The following SEC23A variants were observed in gnomAD, a reference collection of about 807,000 sequenced individuals.
The protein encoded by SEC23A is SEC23 homolog A, COPII component, also known as protein transport protein Sec23A.
SEC23A carries 56 observed loss-of-function variants against 103.7 expected under a neutral mutation model. The observed-to-expected ratio is 0.54, with a 90% CI of 0.44 to 0.67. SEC23A has a LOEUF of 0.67. Among genes scored for constraint, SEC23A ranks in the 30% least tolerant of loss-of-function variants. The pLI, the probability that SEC23A is intolerant of heterozygous loss-of-function variation, is 0.00. For missense variants in SEC23A, 784 were observed against 936.4 expected (o/e 0.84, Z 2.12); for synonymous variants, 281 against 293.0 (o/e 0.96, Z 0.42).
At chr14:39,041,409 C>CAAAAAAAAAAAAAAAAAAAAAAAAAAAA (rs56911438) in intron 17 of SEC23A, 3 of 14,636 alleles carry the variant, frequency 2.0e-4, no homozygotes, top group East Asian at 3.2e-3. Context: ...AAAGAAAAAG[C>CAAAAAAAAAAAAAAAAAAAAAAAAAAAA]AAAAAAAAAA....
intron 1 of SEC23A, among the ~76,000 whole-genome samples, chr14:39,097,837 C>T (rs1483473079): frequency 2.0e-5 from 3 of 152,130 alleles, no homozygotes; most frequent in Admixed American, 6.5e-5. Context: ...GTAATCCCAG[C>T]ACTTTGGGAG....
intron 1 of SEC23A, among the ~76,000 whole-genome samples, chr14:39,096,604 T>C (rs1887902188): frequency 6.6e-6 from 1 of 151,448 alleles, no homozygotes; most frequent in South Asian, 2.1e-4. Context: ...CATAACAAAA[T>C]AATTAATGGC....
chr14:39,055,129 T>C lies in SEC23A; in HGVS notation c.1659+14A>G. On this transcript the variant is annotated intron_variant, in intron 14 of 19. Transcript: ENST00000307712. ...AGCATACAGATTTAGAAAAGCACAG[T>C]GTTTATTTCTTACCAGTCGAATGAG... is the stretch of plus-strand genomic sequence containing the variant. The C allele has an allele frequency of 6.2e-7, 1 of 1,614,004 alleles. No individual in the cohort carries two copies. The highest frequency in any genetic ancestry group is 1.1e-5 in the South Asian group (1 of 91,084).
chr14:39,094,229 T>TATATATATGCATATATACACATATAC (rs1887762901), intron 2 of SEC23A, among the ~76,000 whole-genome samples: 6 of 115,440 alleles, frequency 5.2e-5, no homozygotes, highest in Non-Finnish European at 1.2e-4. Flanking sequence ...CACATACATA[T>TATATATATGCATATATACACATATAC]ATATATATGC....
intron 5 of SEC23A, 68 bp from the exon 6 acceptor site, chr14:39,087,076 T>C (rs1349358960): frequency 2.1e-6 from 2 of 940,324 alleles, no homozygotes; most frequent in Non-Finnish European, 3.5e-6. Context: ...CTATTTATCA[T>C]GTATAAAATG....
intron 9 of SEC23A, among the ~76,000 whole-genome samples, chr14:39,072,727 T>C (rs1232123542): frequency 6.6e-6 from 1 of 152,094 alleles, no homozygotes; most frequent in African/African-American, 2.4e-5. Context: ...GGTGAGAGGA[T>C]TGCTTGAGCC....
chr14:39,038,163 T>C (rs1397054999), intron 19 of SEC23A, among the ~76,000 whole-genome samples: 1 of 152,230 alleles, frequency 6.6e-6, no homozygotes, highest in African/African-American at 2.4e-5. Context: ...GCCCATACTA[T>C]TCTCTACCTA....
chr14:39,091,669 A>C lies in SEC23A; in HGVS notation c.411T>G (p.Thr137=). ...MPLIFLYVVD[T]CMEDEDLQAL... is the part of the protein sequence containing the mutation. Reference sequence around the variant, plus strand: ...CTTGTAAATCTTCATCTTCCATGCAAGTATCAACCACATAGAGGAATATCA... The same window carrying C: ...CTTGTAAATCTTCATCTTCCATGCACGTATCAACCACATAGAGGAATATCA... Residue 137 remains threonine (T), a synonymous_variant, in exon 5 of 20, where the codon ACT becomes ACG. Coordinates refer to ENST00000307712, the MANE Select transcript of SEC23A (RefSeq NM_006364.4). 1.2e-6 allele frequency: 2 copies of C among 1,614,060 alleles called. No individual in the cohort carries two copies. The highest frequency in any genetic ancestry group is 1.7e-6 in the Non-Finnish European group (2 of 1,179,956).
chr14:39,052,999 G>A (rs1886119838), intron 14 of SEC23A, among the ~76,000 whole-genome samples: 1 of 152,132 alleles, frequency 6.6e-6, no homozygotes, highest in African/African-American at 2.4e-5. Flanking sequence ...AGCCAGCATG[G>A]TGGTGTGCAC....
chr14:39,078,429 A>G (rs1280065334), intron 7 of SEC23A, among the ~76,000 whole-genome samples: 2 of 152,174 alleles, frequency 1.3e-5, no homozygotes, highest in Admixed American at 1.3e-4. Context: ...ATGCCCAAAA[A>G]GCTCCATATT....
intron 9 of SEC23A, among the ~76,000 whole-genome samples, chr14:39,068,641 G>C (rs1886750452): frequency 6.6e-6 from 1 of 151,972 alleles, no homozygotes; most frequent in African/African-American, 2.4e-5. Context: ...TGATTTCTAG[G>C]ATACAAGTGA....
At chr14:39,074,663 C>A in intron 8 of SEC23A, 133 bp from the exon 9 acceptor site, 1 of 627,716 alleles carries the variant, frequency 1.6e-6, no homozygotes, top group Non-Finnish European at 2.8e-6. Flanking sequence ...ATTTAACTTT[C>A]TGTAATGTTA....
chr14:39,049,302 C>T (rs564523348), intron 14 of SEC23A, among the ~76,000 whole-genome samples: 3 of 151,936 alleles, frequency 2.0e-5, no homozygotes, highest in Admixed American at 6.6e-5. Flanking sequence ...ATGGTGAAAC[C>T]GCATCTCTAC....
intron 13 of SEC23A, among the ~76,000 whole-genome samples, chr14:39,061,422 T>C (rs1024708036): frequency 1.3e-5 from 2 of 152,042 alleles, no homozygotes; most frequent in Non-Finnish European, 2.9e-5. Context: ...AAAAGTAATG[T>C]GATTAATTAC....
At chr14:39,085,982 C>T (rs551583892) in intron 6 of SEC23A, 76 bp from the exon 7 acceptor site, 1 of 1,303,666 alleles carries the variant, frequency 7.7e-7, no homozygotes, top group Admixed American at 1.7e-5. Flanking sequence ...TTTCACTTTC[C>T]TAAAAATAGA....
chr14:39,042,806 T>C lies in SEC23A; in HGVS notation c.1966A>G (p.Ile656Val). The C allele has an allele frequency of 6.2e-7, 1 of 1,609,380 alleles. No individual in the cohort carries two copies. The highest frequency in any genetic ancestry group is 8.5e-7 in the Non-Finnish European group (1 of 1,175,898). The change falls in exon 17 of 20, where the codon ATT becomes GTT. Residue 656 changes from isoleucine (I) to valine (V), a missense_variant. Ile to Val is a conservative substitution (Grantham distance 29). Transcript: ENST00000307712. ...CTTACCTCACCATGATAAATCAAAATCTGGAAGAATGTGTCCATGAGAAGA... is the reference window on the plus strand; with the variant it reads ...CTTACCTCACCATGATAAATCAAAACCTGGAAGAATGTGTCCATGAGAAGA... Reference protein sequence around the residue: ...RILLMDTFFQILIYHGETIAQ... With the variant: ...RILLMDTFFQVLIYHGETIAQ...
intron 5 of SEC23A, 195 bp downstream of exon 5, chr14:39,091,282 G>A (rs1441389060): frequency 1.7e-6 from 1 of 590,632 alleles, no homozygotes; most frequent in East Asian, 2.8e-5. Context: ...AAAAGTGAAG[G>A]GTGTTTAATC....
At chr14:39,047,849 A>C (rs1433448346) in intron 15 of SEC23A, among the ~76,000 whole-genome samples, 2 of 152,238 alleles carry the variant, frequency 1.3e-5, no homozygotes, top group African/African-American at 4.8e-5. Context: ...AGACTTAAAA[A>C]TATCTATCAA....
chr14:39,073,603 CTTTTTTTTTTTTT>C (rs905464578), intron 9 of SEC23A, among the ~76,000 whole-genome samples: 1 of 83,894 alleles, frequency 1.2e-5, no homozygotes, highest in Non-Finnish European at 2.3e-5. Context: ...TCTGATTCCT[CTTTTTTTTTTTTT>C]TTTTTTTTTT....
Sources: gnomAD v4.1 joint callset for allele counts (sites outside exome capture counted in the v4.1 genomes callset) on GRCh38, gnomAD v4.1.1 for gene constraint, MANE v1.5 for transcripts, NCBI Gene and HGNC (gene_info 2026-07-23, HGNC 2026-07-21) for gene names.